The following CALN1 variants were observed in gnomAD, a reference collection of about 807,000 sequenced individuals.
CALN1 encodes calcium-binding protein 8.
A neutral mutation model predicts 30.6 loss-of-function variants in CALN1; 17 were observed. The observed-to-expected ratio is 0.56, with a 90% CI of 0.38 to 0.83. The LOEUF is 0.83. Ranked by LOEUF, CALN1 falls within the 40% of genes least tolerant of loss-of-function variation. CALN1 has a pLI of 0.00. For synonymous variants in CALN1, 156 were observed against 131.4 expected (o/e 1.19, Z -1.28); for missense variants, 291 against 354.9 (o/e 0.82, Z 1.45).
chr7:72,190,491 T>C (rs1790523848), intron 3 of CALN1, among the ~76,000 whole-genome samples: 1 of 149,892 alleles, frequency 6.7e-6, no homozygotes, highest in Non-Finnish European at 1.5e-5. Flanking sequence ...ACCTTTCCCC[T>C]GGCACATCTA....
intron 5 of CALN1, among the ~76,000 whole-genome samples, chr7:71,856,422 G>A (rs191122179): frequency 4.3e-4 from 65 of 152,102 alleles, no homozygotes; most frequent in African/African-American, 1.5e-3. Context: ...TCCAGTAGCT[G>A]CAACTACAGG....
At chr7:72,321,459 C>G (rs1800874997) in intron 2 of CALN1, among the ~76,000 whole-genome samples, 1 of 152,144 alleles carries the variant, frequency 6.6e-6, no homozygotes, top group African/African-American at 2.4e-5. Context: ...CTATAGGTTA[C>G]AAGTGTTCTC....
At chr7:72,080,807 T>C (rs1235798412) in intron 4 of CALN1, among the ~76,000 whole-genome samples, 1 of 152,144 alleles carries the variant, frequency 6.6e-6, no homozygotes, top group East Asian at 1.9e-4. Flanking sequence ...CAAACCACTC[T>C]TTTACTAGCC....
chr7:72,502,371 A>T, the CALN1 span, among the ~76,000 whole-genome samples: 2,972 of 149,646 alleles, frequency 0.02, 102 homozygotes, highest in African/African-American at 0.067. Context: ...AAACTGTGAC[A>T]TCTTCTCCAA....
intron 2 of CALN1, among the ~76,000 whole-genome samples, chr7:72,325,264 C>T (rs1315940949): frequency 6.6e-6 from 1 of 152,156 alleles, no homozygotes; most frequent in Non-Finnish European, 1.5e-5. Flanking sequence ...TGACTCTGCA[C>T]TCTAGTCTGG....
the CALN1 span, among the ~76,000 whole-genome samples, chr7:72,501,926 A>ATAT: frequency 2.5e-5 from 2 of 79,462 alleles, no homozygotes; most frequent in South Asian, 3.7e-4. Context: ...AAAAAAAAAA[A>ATAT]AAATATATAT....
intron 3 of CALN1, among the ~76,000 whole-genome samples, chr7:72,158,371 G>GAAACAAAGAGAAAGA (rs1324432051): frequency 6.6e-6 from 1 of 152,186 alleles, no homozygotes; most frequent in African/African-American, 2.4e-5. Context: ...CCGTAGTCCA[G>GAAACAAAGAGAAAGA]GCAGGAGATG....
upstream of CALN1, among the ~76,000 whole-genome samples, chr7:72,413,266 A>T (rs1807294568): frequency 6.8e-6 from 1 of 147,930 alleles, no homozygotes; most frequent in African/African-American, 2.7e-5. Flanking sequence ...ATATACATTC[A>T]CACACACATG....
intron 4 of CALN1, among the ~76,000 whole-genome samples, chr7:72,072,030 G>A (rs559065437): frequency 1.3e-5 from 2 of 152,282 alleles, no homozygotes; most frequent in South Asian, 4.2e-4. Flanking sequence ...CATAAAGTAT[G>A]TGTGAGACAT....
intron 5 of CALN1, among the ~76,000 whole-genome samples, chr7:71,841,893 T>G (rs149035586): frequency 4.1e-4 from 63 of 151,976 alleles, no homozygotes; most frequent in African/African-American, 1.5e-3. Context: ...GACTACCTAT[T>G]GAGTATTATG....
Position 71,837,207 on chromosome 7 carries a change from G to C in CALN1, c.502-26715C>G, listed in dbSNP as rs906125676. 3.5e-5 allele frequency among the ~76,000 whole-genome samples: 5 copies of C among 142,252 alleles called. No homozygotes were observed. The Admixed American group carries it at 3.6e-4, about 10-fold the overall frequency. The allele number at this position is 142,252 out of a possible 152,430, so 93.3% of individuals were successfully genotyped here. On this transcript the variant is annotated intron_variant, in intron 5 of 6. Coordinates refer to ENST00000395275, the MANE Select transcript of CALN1 (RefSeq NM_031468.4). ...AGATCACGCCACTGCACTCCAGCCC[G>C]GGTGACAGGGCGAAACTCCATCTCA...
At chr7:71,895,144 G>A (rs747018536) in intron 5 of CALN1, among the ~76,000 whole-genome samples, 3 of 152,042 alleles carry the variant, frequency 2.0e-5, no homozygotes, top group Admixed American at 6.6e-5. Flanking sequence ...TTGTACAGAC[G>A]AGGTTTTCCT....
chr7:72,006,491 T>C (rs571894574), intron 5 of CALN1, among the ~76,000 whole-genome samples: 12 of 152,084 alleles, frequency 7.9e-5, no homozygotes, highest in Non-Finnish European at 1.0e-4. Context: ...ACCACTCTAT[T>C]AAAAGACAAA....
chr7:71,999,477 A>G lies in CALN1; in HGVS notation c.501+24180T>C, dbSNP rs946791431. ...ATAGCAGAATCAACCAGCAGGATCTAGCTCATATACACAGAACACTCCATC... is the reference window on the plus strand; with the variant it reads ...ATAGCAGAATCAACCAGCAGGATCTGGCTCATATACACAGAACACTCCATC... On this transcript the variant is annotated intron_variant, in intron 5 of 6. Coordinates refer to ENST00000395275, the MANE Select transcript of CALN1 (RefSeq NM_031468.4). 3.3e-5 allele frequency among the ~76,000 whole-genome samples: 5 copies of G among 152,166 alleles called. No individual in the cohort carries two copies. The East Asian group carries it at 9.6e-4, about 29-fold the overall frequency.
At chr7:72,101,256 C>T (rs992656936) in intron 4 of CALN1, among the ~76,000 whole-genome samples, 1 of 152,248 alleles carries the variant, frequency 6.6e-6, no homozygotes, top group East Asian at 1.9e-4. Flanking sequence ...GGTTTTATTA[C>T]AAGAGTTGTG....
intron 5 of CALN1, among the ~76,000 whole-genome samples, chr7:71,849,147 TTAATC>T (rs1249437552): frequency 6.6e-6 from 1 of 152,194 alleles, no homozygotes; most frequent in Non-Finnish European, 1.5e-5. Flanking sequence ...TTATGTGTGT[TTAATC>T]TATGTGTGGC....
intron 5 of CALN1, among the ~76,000 whole-genome samples, chr7:71,990,620 G>A (rs770618216): frequency 2.0e-5 from 3 of 151,830 alleles, no homozygotes; most frequent in Non-Finnish European, 4.4e-5. Flanking sequence ...GCCCGGCTAA[G>A]TTTTGTATTT....
At chr7:72,328,524 C>T (rs1801441712) in intron 2 of CALN1, among the ~76,000 whole-genome samples, 2 of 152,182 alleles carry the variant, frequency 1.3e-5, no homozygotes, top group Admixed American at 1.3e-4. Context: ...TCAGGTATGT[C>T]TTTATTAGCA....
intron 4 of CALN1, among the ~76,000 whole-genome samples, chr7:72,044,979 C>T (rs533435525): frequency 1.3e-5 from 2 of 152,160 alleles, no homozygotes; most frequent in Non-Finnish European, 2.9e-5. Flanking sequence ...GATGCAATGA[C>T]TGCAGAATAA....
Sources: allele counts gnomAD v4.1 joint callset (sites outside exome capture counted in the v4.1 genomes callset), GRCh38; gene constraint gnomAD v4.1.1; transcripts MANE v1.5; gene names NCBI Gene and HGNC (gene_info 2026-07-23, HGNC 2026-07-21).